Variants in YJEFN3 observed in about 807,000 individuals in gnomAD.
YJEFN3 encodes yjeF N-terminal domain-containing protein 3.
In YJEFN3, 29 loss-of-function variants were observed where a neutral mutation model predicts 31.5. That is an observed-to-expected ratio of 0.92 (90% confidence interval 0.69 to 1.26). The LOEUF is 1.26. Ranked by LOEUF, YJEFN3 falls within the 50% of genes most tolerant of loss-of-function variation. The pLI is 0.00. For missense variants in YJEFN3, 442 were observed against 425.4 expected (o/e 1.04, Z -0.34); for synonymous variants, 227 against 196.1 (o/e 1.16, Z -1.32).
At chr19:19,529,629 G>A (rs915801159) in intron 2 of YJEFN3, 116 bp downstream of exon 2, 7 of 1,383,876 alleles carry the variant, frequency 5.1e-6, no homozygotes, top group Non-Finnish European at 6.9e-6. Flanking sequence ...TGAACCAGAT[G>A]CGTCCAACAG....
At chr19:19,532,825 C>A in intron 3 of YJEFN3, 85 bp downstream of exon 3, 2 of 1,238,452 alleles carry the variant, frequency 1.6e-6, no homozygotes, top group Non-Finnish European at 2.2e-6. Context: ...CAGGGTGGTT[C>A]ACCCCTCAAG....
intron 2 of YJEFN3, among the ~76,000 whole-genome samples, chr19:19,530,558 C>T (rs2144655123): frequency 6.6e-6 from 1 of 152,328 alleles, no homozygotes; most frequent in African/African-American, 2.4e-5. Flanking sequence ...TCCCGCCCTC[C>T]ACTTCCTCCC....
intron 3 of YJEFN3, chr19:19,533,612 T>A: frequency 2.3e-6 from 2 of 884,042 alleles, no homozygotes; most frequent in Non-Finnish European, 2.7e-6. Flanking sequence ...CTCCCCATCC[T>A]CCTCCTCCCC....
chr19:19,533,632 C>T (rs1419572095), intron 3 of YJEFN3: 5 of 982,536 alleles, frequency 5.1e-6, no homozygotes, highest in Non-Finnish European at 6.0e-6. Context: ...CATTCTCTCC[C>T]TCCTCACCCC....
Position 19,529,006 on chromosome 19 carries a change from G to A in YJEFN3, c.59+15G>A, listed in dbSNP as rs760760874. 1.9e-6 allele frequency: 3 copies of A among 1,550,648 alleles called. No homozygotes were observed. The highest frequency in any genetic ancestry group is 1.4e-5 in the African/African-American group (1 of 73,184). The stretch of plus-strand genomic sequence containing the variant: ...CATTTCCTCAGGTCAGCTGGGGAGA[G>A]GGAAGCTGGAGACGGGCATGGTTCC... On this transcript the variant is annotated intron_variant, in intron 1 of 6. Transcript: ENST00000514277.
chr19:19,534,597 C>G lies in YJEFN3; in HGVS notation c.319-437C>G, dbSNP rs1307049725. 6.4e-6 allele frequency: 1 copy of G among 156,988 alleles called. No homozygotes were observed. Among genetic ancestry groups the G allele is most frequent in the East Asian group, 1.9e-4 (1 of 5,370 alleles). The allele number at this position is 156,988 out of a possible 1,614,324, so 9.7% of individuals were successfully genotyped here. A position where few individuals can be genotyped will look rare whatever the true frequency, so the allele number is the denominator to read the frequency against. ...GGAGAGTCTGAGAGATACAGAGAGA[C>G]ACAGAGACAGCCAGAGAGAGACAGA... On this transcript the variant is annotated intron_variant, in intron 3 of 6. Transcript: ENST00000514277. The surrounding 1 kb of genome is among the most constrained non-coding windows in gnomAD (Gnocchi z 4.6).
At chr19:19,535,313 G>C in intron 4 of YJEFN3, 24 bp from the exon 5 acceptor site, 2 of 1,606,836 alleles carry the variant, frequency 1.2e-6, no homozygotes, top group Non-Finnish European at 1.7e-6. Context: ...AGGGGAGTCT[G>C]ACCCCCTCTT....
chr19:19,536,101 G>A (rs1010189037), intron 6 of YJEFN3: 3 of 442,642 alleles, frequency 6.8e-6, no homozygotes, highest in South Asian at 3.0e-5. Flanking sequence ...CCTGGCTCTC[G>A]GGATCCCAGG....
intron 2 of YJEFN3, among the ~76,000 whole-genome samples, chr19:19,531,469 G>T (rs1230433851): frequency 6.6e-6 from 1 of 152,112 alleles, no homozygotes; most frequent in African/African-American, 2.4e-5. Context: ...AGGCTAGAGT[G>T]CAGTGGCGTG....
intron 3 of YJEFN3, chr19:19,533,393 CG>C: frequency 1.0e-6 from 1 of 986,212 alleles, no homozygotes; most frequent in Non-Finnish European, 1.2e-6. Context: ...GAGGCTCTAG[CG>C]TGACTGCCTC....
chr19:19,531,477 G>A (rs766522754), intron 2 of YJEFN3, among the ~76,000 whole-genome samples: 3 of 151,928 alleles, frequency 2.0e-5, no homozygotes, highest in Non-Finnish European at 4.4e-5. Context: ...GTGCAGTGGC[G>A]TGATCATAGC....
In YJEFN3 at chr19:19,535,139, G is replaced by C. The variant is rs1428911062; in HGVS notation, c.424G>C (p.Val142Leu). 2.5e-6 allele frequency: 4 copies of C among 1,600,756 alleles called. No homozygotes were observed. The highest frequency in any genetic ancestry group is 3.4e-6 in the Non-Finnish European group (4 of 1,173,140). ...VGLVCARHLR[V>L]FEYEPTIFYP... The stretch of plus-strand genomic sequence containing the variant: ...GCTGGTCTGTGCCCGGCACCTGCGG[G>C]TGTTTGTAAGTAGCAAGGACCCCTT... Residue 142 changes from valine (V) to leucine (L), a missense_variant, in exon 4 of 7, where the codon GTG becomes CTG. Transcript: ENST00000514277.
At position 19,535,469 on chromosome 19, in the gene YJEFN3, G is replaced by T; in HGVS notation, c.543+19G>T. On this transcript the variant is annotated intron_variant, in intron 5 of 6. Transcript: ENST00000514277. ...CACTGAGGTCAGCGCTGGGTGGCAA[G>T]CAAGGGGGACATGGTGTGCAGTGGC... 6.2e-7 allele frequency: 1 copy of T among 1,613,758 alleles called. No individual in the cohort carries two copies. Among genetic ancestry groups the T allele is most frequent in the African/African-American group, 1.3e-5 (1 of 75,060 alleles).
chr19:19,532,054 CTAAT>C (rs1037965737), intron 2 of YJEFN3, among the ~76,000 whole-genome samples: 13 of 151,978 alleles, frequency 8.6e-5, no homozygotes, highest in African/African-American at 3.1e-4. Context: ...CACAAATAAT[CTAAT>C]TATGTCACTG....
intron 6 of YJEFN3, among the ~76,000 whole-genome samples, chr19:19,537,089 G>T (rs1049197438): frequency 2.0e-5 from 3 of 151,974 alleles, no homozygotes; most frequent in African/African-American, 7.3e-5. Context: ...TTGTCTGAGG[G>T]CGGAGGCAGA....
intron 3 of YJEFN3, chr19:19,533,389 C>G: frequency 1.0e-6 from 1 of 986,198 alleles, no homozygotes; most frequent in Non-Finnish European, 1.2e-6. Flanking sequence ...AGTCGAGGCT[C>G]TAGCGTGACT....
At chr19:19,535,797 C>A in intron 6 of YJEFN3, 118 bp downstream of exon 6, 2 of 1,323,318 alleles carry the variant, frequency 1.5e-6, no homozygotes, top group Non-Finnish European at 2.1e-6. Context: ...TTGGATGGAC[C>A]CACACTTGGC....
At chr19:19,536,732 G>T (rs1044611766) in intron 6 of YJEFN3, among the ~76,000 whole-genome samples, 9 of 151,994 alleles carry the variant, frequency 5.9e-5, no homozygotes, top group African/African-American at 2.2e-4. Context: ...AGCACTTTGG[G>T]AGGCCGAGGT....
chr19:19,532,973 A>G (rs1826155625), intron 3 of YJEFN3: 1 of 1,310,312 alleles, frequency 7.6e-7, no homozygotes. Flanking sequence ...TTGCAGGGAC[A>G]GTGCCACGAC....
Sources: allele counts gnomAD v4.1 joint callset (sites outside exome capture counted in the v4.1 genomes callset), GRCh38; gene constraint gnomAD v4.1.1; non-coding constraint Gnocchi (gnomAD v3.1); transcripts MANE v1.5; gene names NCBI Gene and HGNC (gene_info 2026-07-23, HGNC 2026-07-21).